The following KCNIP1 variants were observed in gnomAD, a reference collection of about 807,000 sequenced individuals.
KCNIP1 encodes the protein potassium voltage-gated channel interacting protein 1.
Under a neutral mutation model 33.0 loss-of-function variants are expected in KCNIP1, and 18 were observed. That is an observed-to-expected ratio of 0.55 (90% confidence interval 0.38 to 0.81). KCNIP1 has a LOEUF of 0.81. Ranked by LOEUF, KCNIP1 falls within the 30% of genes least tolerant of loss-of-function variation. The probability of loss-of-function intolerance (pLI) is 0.00; values close to 1 mark genes in which losing one functional copy is unlikely to be tolerated. For missense variants in KCNIP1, 238 were observed against 271.6 expected (o/e 0.88, Z 0.87); for synonymous variants, 93 against 98.3 (o/e 0.95, Z 0.32).
At chr5:170,685,721 T>G (rs1320961950) in intron 1 of KCNIP1, among the ~76,000 whole-genome samples, 1 of 152,028 alleles carries the variant, frequency 6.6e-6, no homozygotes, top group Non-Finnish European at 1.5e-5. Flanking sequence ...ACTCCTGACC[T>G]CAGGTGATCC....
At chr5:170,356,180 G>A (rs1169905524) in intron 1 of KCNIP1, among the ~76,000 whole-genome samples, 2 of 152,206 alleles carry the variant, frequency 1.3e-5, no homozygotes, top group Non-Finnish European at 2.9e-5. Flanking sequence ...GATACATTAT[G>A]ATTGCTTAAT....
rs188884431 is a variant in KCNIP1 at position 170,548,293 on chromosome 5, G to A, written c.61+43660G>A. On this transcript the variant is annotated intron_variant, in intron 1 of 7. Coordinates refer to ENST00000328939, the MANE Select transcript of KCNIP1 (RefSeq NM_014592.4). ...CTGTGCTAATAAAAATTCTAATATC[G>A]GAAGCTTTAATAATCAGATTCTGCT... 2.8e-4 allele frequency among the ~76,000 whole-genome samples: 42 copies of A among 152,050 alleles called. 1 individual carries two copies. The highest frequency in any genetic ancestry group is 8.2e-4 in the African/African-American group (34 of 41,462).
upstream of KCNIP1, among the ~76,000 whole-genome samples, chr5:170,499,842 C>T (rs1205729723): frequency 6.6e-6 from 1 of 152,196 alleles, no homozygotes; most frequent in Non-Finnish European, 1.5e-5. Flanking sequence ...CTGACAATCT[C>T]ACTCCTTCCT....
chr5:170,627,390 C>T (rs1238793994), intron 1 of KCNIP1, among the ~76,000 whole-genome samples: 1 of 152,260 alleles, frequency 6.6e-6, no homozygotes, highest in East Asian at 1.9e-4. Flanking sequence ...CCAGGACCAG[C>T]ACCCTGGTTT....
intron 1 of KCNIP1, among the ~76,000 whole-genome samples, chr5:170,516,947 A>G (rs781109906): frequency 7.9e-5 from 12 of 152,128 alleles, no homozygotes; most frequent in Non-Finnish European, 1.5e-4. Context: ...AATGATTTTG[A>G]TAGTGGTGGT....
intron 1 of KCNIP1, among the ~76,000 whole-genome samples, chr5:170,594,579 C>T (rs933424796): frequency 7.2e-5 from 11 of 152,146 alleles, no homozygotes; most frequent in African/African-American, 2.2e-4. Flanking sequence ...GGCACAGTCT[C>T]GGCTCACTGC....
intron 1 of KCNIP1, among the ~76,000 whole-genome samples, chr5:170,660,772 C>T (rs1761452540): frequency 6.6e-6 from 1 of 152,270 alleles, no homozygotes; most frequent in African/African-American, 2.4e-5. Flanking sequence ...TCCCTCCTTC[C>T]ACGCCCAGCA....
intron 1 of KCNIP1, among the ~76,000 whole-genome samples, chr5:170,549,180 T>C (rs1756516340): frequency 6.6e-6 from 1 of 152,226 alleles, no homozygotes. Context: ...ATGCTATACA[T>C]GAGCCTTGGT....
chr5:170,686,126 T>C (rs1403333648), intron 1 of KCNIP1, among the ~76,000 whole-genome samples: 1 of 152,168 alleles, frequency 6.6e-6, no homozygotes, highest in Non-Finnish European at 1.5e-5. Flanking sequence ...AGATTCCTAG[T>C]ACTGACATAA....
At chr5:170,370,564 G>A (rs778296730) in intron 1 of KCNIP1, among the ~76,000 whole-genome samples, 14 of 152,334 alleles carry the variant, frequency 9.2e-5, no homozygotes, top group Admixed American at 2.6e-4. Context: ...TGAGAAAAAG[G>A]CCTTTCAAAC....
intron 1 of KCNIP1, among the ~76,000 whole-genome samples, chr5:170,368,702 T>C (rs781435419): frequency 9.2e-5 from 14 of 152,236 alleles, no homozygotes; most frequent in Non-Finnish European, 2.1e-4. Context: ...CGCATGAAAG[T>C]TCTGCTTTCA....
chr5:170,708,053 A>C (rs2113849230), intron 1 of KCNIP1, among the ~76,000 whole-genome samples: 1 of 152,242 alleles, frequency 6.6e-6, no homozygotes, highest in East Asian at 1.9e-4. Flanking sequence ...AGAGCTGATG[A>C]GTTGTGTGCA....
At chr5:170,521,706 C>G (rs1409675434) in intron 1 of KCNIP1, among the ~76,000 whole-genome samples, 2 of 152,182 alleles carry the variant, frequency 1.3e-5, no homozygotes, top group African/African-American at 4.8e-5. Flanking sequence ...TGAAGTCTTT[C>G]CAAAGATTTA....
At chr5:170,732,650 T>A in intron 5 of KCNIP1, 150 bp from the exon 6 acceptor site, 1 of 548,062 alleles carries the variant, frequency 1.8e-6, no homozygotes. Flanking sequence ...CCCTTCTGCT[T>A]GCTTCTAACT....
intron 1 of KCNIP1, among the ~76,000 whole-genome samples, chr5:170,685,647 C>T (rs1167942578): frequency 6.6e-6 from 1 of 151,904 alleles, no homozygotes; most frequent in Non-Finnish European, 1.5e-5. Flanking sequence ...TGCCACCGTG[C>T]CTGGCTAATT....
intron 1 of KCNIP1, among the ~76,000 whole-genome samples, chr5:170,527,312 C>T (rs1316158429): frequency 6.6e-6 from 1 of 152,140 alleles, no homozygotes; most frequent in Non-Finnish European, 1.5e-5. Flanking sequence ...AGACTTGAGT[C>T]AACTAAGCAA....
chr5:170,476,356 T>C (rs763330938), intron 1 of KCNIP1, among the ~76,000 whole-genome samples: 4 of 152,208 alleles, frequency 2.6e-5, no homozygotes, highest in African/African-American at 4.8e-5. Context: ...AATATCGAAG[T>C]GTTGAACTGT....
chr5:170,712,867 G>A lies in KCNIP1; in HGVS notation c.62-5891G>A, dbSNP rs779068262. 21 of 1,613,844 alleles carry A rather than the reference G, an allele frequency of 1.3e-5. No individual in the cohort carries two copies. The Admixed American group carries it at 2.5e-4, about 19-fold the overall frequency. On this transcript the variant is annotated intron_variant, in intron 1 of 7. Transcript: ENST00000328939. ...ACTCTTTCCTAGACATCGCCTGGTG[G>A]TATTACCAGTATCAGAGAGGTAAAA...
At chr5:170,658,528 G>A (rs1761357574) in intron 1 of KCNIP1, among the ~76,000 whole-genome samples, 3 of 152,192 alleles carry the variant, frequency 2.0e-5, no homozygotes, top group South Asian at 4.1e-4. Flanking sequence ...TCAAACTATA[G>A]CTCACAGAGA....
Sources: allele counts gnomAD v4.1 joint callset (sites outside exome capture counted in the v4.1 genomes callset), GRCh38; gene constraint gnomAD v4.1.1; transcripts MANE v1.5; gene names NCBI Gene and HGNC (gene_info 2026-07-23, HGNC 2026-07-21).